HLA-DPA1: variants seen among roughly 807,000 people sequenced by gnomAD.
The protein encoded by HLA-DPA1 is major histocompatibility complex, class II, DP alpha 1, also known as HLA class II histocompatibility antigen, DP alpha 1 chain.
A neutral mutation model predicts 21.5 loss-of-function variants in HLA-DPA1; 20 were observed. The ratio of observed to expected loss-of-function variants is 0.93; its 90% CI spans 0.66 to 1.35. The LOEUF (loss-of-function observed/expected upper bound fraction) is 1.35. Among genes scored for constraint, HLA-DPA1 ranks in the 40% most tolerant of loss-of-function variants. HLA-DPA1 has a pLI of 0.00. For missense variants in HLA-DPA1, 279 were observed against 323.0 expected (o/e 0.86, Z 1.05); for synonymous variants, 123 against 129.6 (o/e 0.95, Z 0.35).
intron 1 of HLA-DPA1, chr6:33,076,013 T>G: frequency 6.4e-7 from 1 of 1,571,410 alleles, no homozygotes; most frequent in Non-Finnish European, 8.7e-7. Context: ...ACTGCAGCTC[T>G]TTTCATTTTG....
In HLA-DPA1 at chr6:33,080,511, A is replaced by G. The variant is rs1762779620; in HGVS notation, c.-100+169T>C. On this transcript the variant is annotated intron_variant, in intron 1 of 5. Transcript: ENST00000419277. This position sits in a 1 kb window ranked among gnomAD's most constrained non-coding sequence, Gnocchi z 4.3. ...AAAACAGGCCTGGAGAGGCTCTGCG[A>G]CCCGCTTAGGACCACAGAACTCGGT... is the stretch of plus-strand genomic sequence containing the variant. The G allele has an allele frequency of 9.7e-7, 1 of 1,026,858 alleles. No individual in the cohort carries two copies. The highest frequency in any genetic ancestry group is 1.4e-5 in the South Asian group (1 of 72,936). The allele number at this position is 1,026,858 out of a possible 1,614,324, so 63.6% of individuals were successfully genotyped here.
rs148674737 is a variant in HLA-DPA1 at position 33,076,765 on chromosome 6, G to C, written c.-99-3096C>G. 3.6e-3 allele frequency among the ~76,000 whole-genome samples: 541 copies of C among 152,246 alleles called. 2 individuals are homozygous for C. The highest frequency in any genetic ancestry group is 0.026 in the East Asian group (133 of 5,190). On this transcript the variant is annotated intron_variant, in intron 1 of 5. Transcript: ENST00000419277. ...TAGGAAGAATGAGATGAGGTTGTGT[G>C]GGTGCATGACAGGGATTGAGTGTAG...
intron 2 of HLA-DPA1, among the ~76,000 whole-genome samples, chr6:33,072,894 C>T (rs1303156618): frequency 6.6e-6 from 1 of 152,172 alleles, no homozygotes. Flanking sequence ...AGCTTGTGAC[C>T]ACCCACAAAG....
chr6:33,073,134 G>A (rs1762362661), intron 2 of HLA-DPA1, among the ~76,000 whole-genome samples: 1 of 152,168 alleles, frequency 6.6e-6, no homozygotes, highest in Admixed American at 6.5e-5. Context: ...TTCAAACTTG[G>A]CTCGTTGATC....
intron 1 of HLA-DPA1, among the ~76,000 whole-genome samples, chr6:33,077,349 T>C (rs1171454884): frequency 6.6e-6 from 1 of 152,118 alleles, no homozygotes; most frequent in Non-Finnish European, 1.5e-5. Flanking sequence ...TCCAAGTCTT[T>C]GCTATTGTGA....
chr6:33,069,172 C>A (rs190604997), exon 4 of HLA-DPA1: 1 of 1,612,932 alleles, frequency 6.2e-7, no homozygotes, highest in Non-Finnish European at 8.5e-7. Flanking sequence ...CCCTCAGTGA[C>A]CAGCTCCCCG....
Position 33,080,625 on chromosome 6 carries a change from A to C in HLA-DPA1, c.-100+55T>G, listed in dbSNP as rs1762787142. On this transcript the variant is annotated intron_variant, in intron 1 of 5. Coordinates refer to ENST00000419277, the Ensembl canonical transcript of HLA-DPA1. The surrounding 1 kb of genome is among the most constrained non-coding windows in gnomAD (Gnocchi z 4.3). The stretch of plus-strand genomic sequence containing the variant: ...ATTGAGAGAGAGAGGGAGAAAGAGG[A>C]TTAGATGAGAGTGGCGCCTCCGCTC... 1.2e-6 allele frequency: 2 copies of C among 1,609,878 alleles called. No homozygotes were observed. Among genetic ancestry groups the C allele is most frequent in the African/African-American group, 2.7e-5 (2 of 74,764 alleles).
At chr6:33,069,238 T>G (rs150537907) in exon 4 of HLA-DPA1, 6 of 1,612,862 alleles carry the variant, frequency 3.7e-6, no homozygotes, top group Non-Finnish European at 5.1e-6. Flanking sequence ...ATGTGGCAGA[T>G]GAGGGTGTTG....
chr6:33,069,410 C>A (rs3830066), intron 3 of HLA-DPA1, 110 bp from the exon 3 acceptor site: 2 of 1,158,038 alleles, frequency 1.7e-6, no homozygotes, highest in Non-Finnish European at 2.5e-6. Flanking sequence ...TATGGCAGCT[C>A]TGAATCACAG....
At chr6:33,068,609 A>G (rs760563442) in intron 5 of HLA-DPA1, 29 bp downstream of exon 4, 19 of 1,486,530 alleles carry the variant, frequency 1.3e-5, no homozygotes, top group Non-Finnish European at 1.7e-5. Flanking sequence ...CATTCTACAA[A>G]TCCTAGGGCC....
chr6:33,069,059 C>T, exon 4 of HLA-DPA1: 1 of 1,613,076 alleles, frequency 6.2e-7, no homozygotes, highest in Non-Finnish European at 8.5e-7. Context: ...CCCAGTGCTC[C>T]ACCCTGCAGT....
intron 3 of HLA-DPA1, 28 bp from the exon 3 acceptor site, chr6:33,069,328 C>T (rs372242232): frequency 7.5e-6 from 12 of 1,595,732 alleles, no homozygotes; most frequent in Non-Finnish European, 9.4e-6. Flanking sequence ...CAGGTTAGGC[C>T]CCTCTTCTGG....
chr6:33,069,244 T>C (rs1408770655), exon 4 of HLA-DPA1: 2 of 1,612,856 alleles, frequency 1.2e-6, no homozygotes, highest in Non-Finnish European at 1.7e-6. Flanking sequence ...CAGATGAGGG[T>C]GTTGGGCTGG....
chr6:33,071,843 G>T (rs1341346336), intron 2 of HLA-DPA1, among the ~76,000 whole-genome samples: 1 of 152,194 alleles, frequency 6.6e-6, no homozygotes, highest in Admixed American at 6.5e-5. Flanking sequence ...AGAAGATACT[G>T]AGTTTACTGT....
At chr6:33,074,667 G>A (rs1319795665) in intron 1 of HLA-DPA1, among the ~76,000 whole-genome samples, 1 of 152,144 alleles carries the variant, frequency 6.6e-6, no homozygotes, top group East Asian at 1.9e-4. Flanking sequence ...TAGGACATGA[G>A]AGATTCTGTT....
rs1279952763 is a variant in HLA-DPA1 at position 33,080,199 on chromosome 6, G to C, written c.-100+481C>G. Among the ~76,000 whole-genome samples, 4 of 152,212 alleles carry C rather than the reference G, an allele frequency of 2.6e-5. No individual in the cohort carries two copies. Among genetic ancestry groups the C allele is most frequent in the African/African-American group, 9.6e-5 (4 of 41,452 alleles). On this transcript the variant is annotated intron_variant, in intron 1 of 5. Coordinates refer to ENST00000419277, the Ensembl canonical transcript of HLA-DPA1. The surrounding 1 kb of genome is among the most constrained non-coding windows in gnomAD (Gnocchi z 4.3). Reference sequence around the variant, plus strand: ...AGAGAGCGCTTAGCTATGGAAAAGAGAAAGAAGGAAGGGAGGGCTTCCTGG... The same window carrying C: ...AGAGAGCGCTTAGCTATGGAAAAGACAAAGAAGGAAGGGAGGGCTTCCTGG...
At position 33,080,362 on chromosome 6, in the gene HLA-DPA1, G is replaced by A. The variant is rs919387503; in HGVS notation, c.-100+318C>T. On this transcript the variant is annotated intron_variant, in intron 1 of 5. Transcript: ENST00000419277. This position sits in a 1 kb window ranked among gnomAD's most constrained non-coding sequence, Gnocchi z 4.3. ...TTCTCCCAGTGACCCCACGTGAAAC[G>A]TCTCCGCCTCCTCCAGCCACCAGCA... is the stretch of plus-strand genomic sequence containing the variant. 1.4e-5 allele frequency: 8 copies of A among 578,230 alleles called. No individual in the cohort carries two copies. The highest frequency in any genetic ancestry group is 2.3e-5 in the Non-Finnish European group (7 of 299,468). 35.8% of individuals were successfully genotyped at this position (578,230 alleles called of 1,614,324 possible). A position where few individuals can be genotyped will look rare whatever the true frequency, so the allele number is the denominator to read the frequency against.
intron 2 of HLA-DPA1, among the ~76,000 whole-genome samples, chr6:33,070,368 G>A (rs989919223): frequency 7.2e-5 from 11 of 152,150 alleles, no homozygotes; most frequent in African/African-American, 2.4e-4. Context: ...GGCTACTGGC[G>A]GAACTAGTAG....
At chr6:33,066,864 T>C (rs1583082671) in intron 5 of HLA-DPA1, 1 of 152,360 alleles carries the variant, frequency 6.6e-6, no homozygotes, top group East Asian at 1.9e-4. Context: ...AAACAGCATA[T>C]TTCTTTATGC....
Sources: allele counts gnomAD v4.1 joint callset (sites outside exome capture counted in the v4.1 genomes callset), GRCh38; gene constraint gnomAD v4.1.1; non-coding constraint Gnocchi (gnomAD v3.1); transcripts MANE v1.5; gene names NCBI Gene and HGNC (gene_info 2026-07-23, HGNC 2026-07-21).